HGSNAT: variants seen among roughly 807,000 people sequenced by gnomAD.
HGSNAT encodes heparan-alpha-glucosaminide N-acetyltransferase.
In HGSNAT, 59 loss-of-function variants were observed where a neutral mutation model predicts 85.2. The observed-to-expected ratio is 0.69, with a 90% CI of 0.56 to 0.86. The LOEUF (loss-of-function observed/expected upper bound fraction) is 0.86, where lower values mean the gene tolerates loss of function less well. Among genes scored for constraint, HGSNAT ranks in the 40% least tolerant of loss-of-function variants. The pLI is 0.00. For missense variants in HGSNAT, 756 were observed against 777.1 expected (o/e 0.97, Z 0.32); for synonymous variants, 321 against 304.5 (o/e 1.05, Z -0.56).
chr8:43,173,448 T>G (rs572147748), intron 8 of HGSNAT, among the ~76,000 whole-genome samples: 1 of 152,128 alleles, frequency 6.6e-6, no homozygotes, highest in Admixed American at 6.5e-5. Flanking sequence ...TAGCTGGGAT[T>G]ACAGGTGCCC....
intron 1 of HGSNAT, among the ~76,000 whole-genome samples, chr8:43,142,891 A>C (rs1220783222): frequency 6.6e-6 from 1 of 152,248 alleles, no homozygotes; most frequent in East Asian, 1.9e-4. Flanking sequence ...CCAAAGGCTT[A>C]GAGAAACATG....
intron 1 of HGSNAT, among the ~76,000 whole-genome samples, chr8:43,140,978 C>A (rs940955045): frequency 1.6e-4 from 25 of 152,200 alleles, no homozygotes; most frequent in Non-Finnish European, 3.2e-4. Flanking sequence ...GGCGGGCCAG[C>A]CGAGGATCGG....
At chr8:43,155,622 T>C (rs1803066149) in intron 2 of HGSNAT, among the ~76,000 whole-genome samples, 1 of 152,176 alleles carries the variant, frequency 6.6e-6, no homozygotes. Flanking sequence ...TGTCTAGATT[T>C]GCTTCTGTTA....
At position 43,196,996 on chromosome 8, in the gene HGSNAT, A is replaced by G. The variant is rs780304905; in HGVS notation, c.1513A>G (p.Ile505Val). 1.9e-6 allele frequency: 3 copies of G among 1,612,280 alleles called. No individual in the cohort carries two copies. The highest frequency in any genetic ancestry group is 2.2e-5 in the East Asian group (1 of 44,888). The change falls in exon 15 of 18, where the codon ATT (isoleucine) becomes GTT (valine). Residue 505 changes from isoleucine (I) to valine (V), a missense_variant. Coordinates refer to ENST00000379644, the MANE Select transcript of HGSNAT (RefSeq NM_152419.3). Reference sequence around the variant, plus strand: ...CAAGGCTCGGACCAAAGACATCCTGATTCGATTCACTGCTTGGTGTTGTAT... The same window carrying G: ...CAAGGCTCGGACCAAAGACATCCTGGTTCGATTCACTGCTTGGTGTTGTAT... Reference protein sequence around the residue: ...YYKARTKDILIRFTAWCCILG... With the variant: ...YYKARTKDILVRFTAWCCILG...
Position 43,194,563 on chromosome 8 carries a change from G to A in HGSNAT, c.1464+720G>A, listed in dbSNP as rs1178852014. The A allele has an allele frequency of 1.0e-5, 10 of 966,990 alleles. No individual in the cohort carries two copies. The African/African-American group carries it at 1.8e-4, about 17-fold the overall frequency. The allele number at this position is 966,990 out of a possible 1,614,324, so 59.9% of individuals were successfully genotyped here. On this transcript the variant is annotated intron_variant, in intron 14 of 17. Coordinates refer to ENST00000379644, the MANE Select transcript of HGSNAT (RefSeq NM_152419.3). The stretch of plus-strand genomic sequence containing the variant: ...GAGACTGGGTAATTCATAAAGAACA[G>A]TAACACTGCAGGTTCATTTGTCTGG...
chr8:43,192,771 AC>A (rs370277598), intron 13 of HGSNAT, among the ~76,000 whole-genome samples: 1 of 151,982 alleles, frequency 6.6e-6, no homozygotes, highest in Non-Finnish European at 1.5e-5. Context: ...GAAAAAAAAA[AC>A]AAAAAACAAA....
At chr8:43,188,963 G>C (rs1397075852) in intron 11 of HGSNAT, among the ~76,000 whole-genome samples, 2 of 152,210 alleles carry the variant, frequency 1.3e-5, no homozygotes, top group African/African-American at 4.8e-5. Context: ...CTGCAGAATG[G>C]CAAATGTTGC....
At position 43,150,770 on chromosome 8, in the gene HGSNAT, C is replaced by G. The variant is rs1272361250; in HGVS notation, c.234+3707C>G. Among the ~76,000 whole-genome samples the G allele has an allele frequency of 7.9e-5, 12 of 151,990 alleles. No individual in the cohort carries two copies. The South Asian group carries it at 2.3e-3, about 29-fold the overall frequency. On this transcript the variant is annotated intron_variant, in intron 2 of 17. Coordinates refer to ENST00000379644, the MANE Select transcript of HGSNAT (RefSeq NM_152419.3). The stretch of plus-strand genomic sequence containing the variant: ...AATGGCGTGAACCCGGGAGGCGGAG[C>G]TTGCAAAGAGCCAAGATTGCGCCAC...
chr8:43,146,401 C>T (rs1157414740), intron 1 of HGSNAT, among the ~76,000 whole-genome samples: 2 of 152,192 alleles, frequency 1.3e-5, no homozygotes, highest in Non-Finnish European at 2.9e-5. Context: ...TGCCTGGCTA[C>T]AATCGCAGCT....
At chr8:43,185,531 T>C (rs1464047265) in intron 11 of HGSNAT, among the ~76,000 whole-genome samples, 1 of 152,216 alleles carries the variant, frequency 6.6e-6, no homozygotes, top group Non-Finnish European at 1.5e-5. Flanking sequence ...CTTAAGGAAA[T>C]TTTGGGCTGA....
At chr8:43,142,203 C>T (rs1202951039) in intron 1 of HGSNAT, among the ~76,000 whole-genome samples, 1 of 152,078 alleles carries the variant, frequency 6.6e-6, no homozygotes, top group African/African-American at 2.4e-5. Flanking sequence ...GCACATTTAT[C>T]CCCGCACCAT....
chr8:43,145,355 C>CAGGA (rs1802679390), intron 1 of HGSNAT, among the ~76,000 whole-genome samples: 1 of 152,166 alleles, frequency 6.6e-6, no homozygotes, highest in Admixed American at 6.5e-5. Context: ...ATCTCTACCC[C>CAGGA]TTCATCACCA....
intron 5 of HGSNAT, among the ~76,000 whole-genome samples, chr8:43,161,845 C>T (rs1028017798): frequency 6.6e-6 from 1 of 152,266 alleles, no homozygotes; most frequent in Non-Finnish European, 1.5e-5. Flanking sequence ...GAGGTCGCTG[C>T]ACTGAACTCC....
chr8:43,148,979 A>G (rs540546566), intron 2 of HGSNAT, among the ~76,000 whole-genome samples: 29 of 149,096 alleles, frequency 1.9e-4, no homozygotes, highest in Admixed American at 6.0e-4. Context: ...AGCTACGCAC[A>G]GTGGTGTGTG....
chr8:43,173,005 G>A (rs1563369199), intron 8 of HGSNAT, among the ~76,000 whole-genome samples: 1 of 152,198 alleles, frequency 6.6e-6, no homozygotes, highest in Non-Finnish European at 1.5e-5. Context: ...TTTTTTTAAA[G>A]GCAGAGTCTT....
chr8:43,178,209 G>C lies in HGSNAT; in HGVS notation c.987G>C (p.Val329=), dbSNP rs1241816731. The C allele has an allele frequency of 6.4e-7, 1 of 1,552,570 alleles. No individual in the cohort carries two copies. The highest frequency in any genetic ancestry group is 1.4e-5 in the African/African-American group (1 of 72,318). ...FLLICIGIII[V]NPNYCLGPLS... The stretch of plus-strand genomic sequence containing the variant: ...TAATCTGCATAGGAATTATCATTGT[G>C]AATCCCAATTATTGCCTTGGTCCAT... The change falls in exon 10 of 18, where the codon GTG becomes GTC. Residue 329 remains valine, a synonymous_variant. Transcript: ENST00000379644.
In HGSNAT at chr8:43,173,755, G is replaced by T. The variant is rs1378236245; in HGVS notation, c.851+12G>T. 1 of 1,611,014 alleles carries T rather than the reference G, an allele frequency of 6.2e-7. No homozygotes were observed. Among genetic ancestry groups the T allele is most frequent in the Admixed American group, 1.7e-5 (1 of 59,534 alleles). ...CTCGTGTTCCCGTGGTGAGTTGCCG[G>T]TCTGCCCTCTTCTCTTCCACGGGTT... is the stretch of plus-strand genomic sequence containing the variant. On this transcript the variant is annotated intron_variant, in intron 9 of 17. Transcript: ENST00000379644.
At chr8:43,164,225 T>C (rs1803358679) in intron 5 of HGSNAT, among the ~76,000 whole-genome samples, 1 of 152,158 alleles carries the variant, frequency 6.6e-6, no homozygotes, top group Non-Finnish European at 1.5e-5. Flanking sequence ...TGAAGTAAGA[T>C]TGGCCATGTG....
At chr8:43,182,074 AC>A (rs1407509159) in intron 10 of HGSNAT, 70 bp from the exon 11 acceptor site, 8 of 1,177,650 alleles carry the variant, frequency 6.8e-6, no homozygotes, top group Non-Finnish European at 1.0e-5. Flanking sequence ...CCTTTAGGAA[AC>A]AAATAATGTT....
Sources: gnomAD v4.1 joint callset for allele counts (sites outside exome capture counted in the v4.1 genomes callset) on GRCh38, gnomAD v4.1.1 for gene constraint, MANE v1.5 for transcripts, NCBI Gene and HGNC (gene_info 2026-07-23, HGNC 2026-07-21) for gene names.